The following RICTOR variants were observed in gnomAD, a reference collection of about 807,000 sequenced individuals.
RICTOR encodes RPTOR independent companion of MTOR complex 2.
A neutral mutation model predicts 214.9 loss-of-function variants in RICTOR; 49 were observed. The observed-to-expected ratio is 0.23, with a 90% CI of 0.18 to 0.29. The LOEUF (loss-of-function observed/expected upper bound fraction) is 0.29, where lower values mean the gene tolerates loss of function less well. Among genes scored for constraint, RICTOR ranks in the 10% least tolerant of loss-of-function variants. RICTOR has a pLI of 1.00. For synonymous variants in RICTOR, 717 were observed against 711.3 expected (o/e 1.01, Z -0.13); for missense variants, 1,625 against 2,047.0 (o/e 0.79, Z 3.98).
At chr5:38,966,908 C>G (rs1239841304) in intron 14 of RICTOR, 187 bp from the exon 15 acceptor site, 1 of 586,098 alleles carries the variant, frequency 1.7e-6, no homozygotes, top group Non-Finnish European at 3.0e-6. Flanking sequence ...TCAAGCAATT[C>G]TCGTGTGTCA....
At chr5:39,016,281 C>CAT (rs1285195239) in intron 3 of RICTOR, among the ~76,000 whole-genome samples, 1 of 148,298 alleles carries the variant, frequency 6.7e-6, no homozygotes, top group African/African-American at 2.5e-5. Context: ...AGATACACTG[C>CAT]ATACTCTACA....
chr5:38,944,300 G>T lies in RICTOR; in HGVS notation c.4913+146C>A, dbSNP rs139526041. On this transcript the variant is annotated intron_variant, in intron 36 of 37. Coordinates refer to ENST00000357387, the MANE Select transcript of RICTOR (RefSeq NM_152756.5). ...ATGTTGTTTTGGCTGAAGTATTAAA[G>T]AAAATCTAGCCTCACACAGGTATGC... 29 of 805,596 alleles carry T rather than the reference G, an allele frequency of 3.6e-5. No individual in the cohort carries two copies. The East Asian group carries it at 7.1e-4, about 20-fold the overall frequency. 49.9% of individuals were successfully genotyped at this position (805,596 alleles called of 1,614,324 possible). A position where few individuals can be genotyped will look rare whatever the true frequency, so the allele number is the denominator to read the frequency against.
In RICTOR at chr5:38,946,566, T is replaced by TAA. The variant is rs757113127; in HGVS notation, c.4315-16_4315-15dup. The TAA allele has an allele frequency of 6.8e-6, 10 of 1,478,474 alleles. No individual in the cohort carries two copies. The African/African-American group carries it at 8.3e-5, about 12-fold the overall frequency. 91.6% of individuals were successfully genotyped at this position (1,478,474 alleles called of 1,614,324 possible). ...AATATCCTTTACCTAAAAAAAGATA[T>TAA]AAACCATGGTAAGTCCTGCTATAAA... On this transcript the variant is annotated splice_polypyrimidine_tract_variant and intron_variant, in intron 32 of 37. Coordinates refer to ENST00000357387, the MANE Select transcript of RICTOR (RefSeq NM_152756.5).
At chr5:38,946,737 A>C (rs1484691950) in intron 32 of RICTOR, among the ~76,000 whole-genome samples, 185 bp from the exon 33 acceptor site, 1 of 152,210 alleles carries the variant, frequency 6.6e-6, no homozygotes, top group African/African-American at 2.4e-5. Flanking sequence ...TTATTATATT[A>C]TTAGTGACTA....
chr5:39,068,329 G>C (rs996840050), intron 2 of RICTOR, among the ~76,000 whole-genome samples: 4 of 152,198 alleles, frequency 2.6e-5, no homozygotes, highest in African/African-American at 7.2e-5. Flanking sequence ...GGAGAAAGAG[G>C]TGGAATGGGG....
chr5:38,986,429 CAG>C (rs1235281486), intron 7 of RICTOR, among the ~76,000 whole-genome samples: 1 of 152,056 alleles, frequency 6.6e-6, no homozygotes. Context: ...GTTAGAGAGC[CAG>C]ACTTTAGTAG....
chr5:39,029,261 C>G (rs547352890), intron 2 of RICTOR, among the ~76,000 whole-genome samples: 1 of 152,000 alleles, frequency 6.6e-6, no homozygotes, highest in Admixed American at 6.5e-5. Context: ...AGTCACTAAT[C>G]ATAAAACACT....
chr5:38,949,172 T>C (rs1748477394), intron 31 of RICTOR, among the ~76,000 whole-genome samples: 1 of 152,198 alleles, frequency 6.6e-6, no homozygotes, highest in East Asian at 1.9e-4. Context: ...TAGCTTGATA[T>C]AATCTAAATA....
intron 2 of RICTOR, among the ~76,000 whole-genome samples, chr5:39,070,798 A>T (rs1759265808): frequency 6.6e-6 from 1 of 152,230 alleles, no homozygotes; most frequent in African/African-American, 2.4e-5. Context: ...TGGACTGATA[A>T]GACAGTCTAT....
chr5:38,990,844 G>GATAT (rs1220443032), intron 7 of RICTOR, 105 bp downstream of exon 7: 1 of 73,106 alleles, frequency 1.4e-5, no homozygotes, highest in African/African-American at 5.3e-5. Flanking sequence ...AGATATATGA[G>GATAT]ATATATGATA....
At chr5:38,949,311 A>G in intron 31 of RICTOR, 1 of 1,247,896 alleles carries the variant, frequency 8.0e-7, no homozygotes, top group East Asian at 2.4e-5. Context: ...ATCTTTTTAA[A>G]AAAATAATAA....
At chr5:38,987,731 T>A (rs1752284998) in intron 7 of RICTOR, among the ~76,000 whole-genome samples, 1 of 152,178 alleles carries the variant, frequency 6.6e-6, no homozygotes, top group Non-Finnish European at 1.5e-5. Context: ...TCTCAGTTAT[T>A]TCTTGTCTTC....
rs1157432989 is a variant in RICTOR at position 39,067,957 on chromosome 5, G to C, written c.97+6154C>G. Among the ~76,000 whole-genome samples the C allele has an allele frequency of 2.6e-5, 4 of 152,160 alleles. No homozygotes were observed. The South Asian group carries it at 8.3e-4, about 32-fold the overall frequency. On this transcript the variant is annotated intron_variant, in intron 2 of 37. Transcript: ENST00000357387. The stretch of plus-strand genomic sequence containing the variant: ...CTGGGGGAAGCGGATGTTAAAAATG[G>C]GTAAAACAGGCCTCCTGCCCTCAAG...
At chr5:39,015,980 G>T (rs1754909609) in intron 3 of RICTOR, among the ~76,000 whole-genome samples, 2 of 152,032 alleles carry the variant, frequency 1.3e-5, no homozygotes, top group South Asian at 4.1e-4. Context: ...GCTTTTCCCA[G>T]CACATCACTA....
intron 17 of RICTOR, 68 bp downstream of exon 17, chr5:38,962,808 C>T: frequency 1.5e-6 from 2 of 1,356,826 alleles, no homozygotes. Context: ...TACATGCATA[C>T]TAAAATCCAG....
At chr5:39,015,057 C>T (rs886994853) in intron 3 of RICTOR, among the ~76,000 whole-genome samples, 10 of 152,024 alleles carry the variant, frequency 6.6e-5, no homozygotes, top group East Asian at 1.9e-4. Flanking sequence ...ATAAATACTA[C>T]GTATTTTTTT....
intron 36 of RICTOR, 92 bp downstream of exon 36, chr5:38,944,354 T>A: frequency 5.3e-6 from 7 of 1,320,682 alleles, no homozygotes; most frequent in Non-Finnish European, 7.4e-6. Context: ...TGATGTAAGT[T>A]AACTAGCCTA....
intron 11 of RICTOR, chr5:38,970,949 T>C (rs1750727307): frequency 6.6e-6 from 1 of 152,230 alleles, no homozygotes; most frequent in Non-Finnish European, 1.5e-5. Flanking sequence ...AATGCCCTTG[T>C]GTGTTGTTTA....
intron 3 of RICTOR, among the ~76,000 whole-genome samples, chr5:39,019,492 C>T (rs1755229376): frequency 6.6e-6 from 1 of 152,140 alleles, no homozygotes; most frequent in South Asian, 2.1e-4. Flanking sequence ...GCTAAAGCTG[C>T]TTTGTCTGTG....
Sources: gnomAD v4.1 joint callset for allele counts (sites outside exome capture counted in the v4.1 genomes callset) on GRCh38, gnomAD v4.1.1 for gene constraint, MANE v1.5 for transcripts, NCBI Gene and HGNC (gene_info 2026-07-23, HGNC 2026-07-21) for gene names.